The following EML6 variants were observed in gnomAD, a reference collection of about 807,000 sequenced individuals.
The protein encoded by EML6 is EMAP like 6.
A neutral mutation model predicts 240.1 loss-of-function variants in EML6; 154 were observed. That is an observed-to-expected ratio of 0.64 (90% CI 0.56 to 0.73). The LOEUF is 0.73. Ranked by LOEUF, EML6 falls within the 30% of genes least tolerant of loss-of-function variation. The pLI is 0.00. For missense variants in EML6, 2,964 were observed against 2,474.6 expected, an observed-to-expected ratio of 1.20 and a Z score of -4.20; for synonymous variants, 1,148 against 899.0, an observed-to-expected ratio of 1.28 and a Z score of -4.95.
Position 54,892,437 on chromosome 2 carries a change from T to C in EML6, c.2540-17T>C, listed in dbSNP as rs1672520684. The C allele has an allele frequency of 6.5e-7, 1 of 1,535,824 alleles. No homozygotes were observed. Among genetic ancestry groups the C allele is most frequent in the South Asian group, 1.2e-5 (1 of 83,718 alleles). Reference sequence around the variant, plus strand: ...GCCAGATTTTATAAAGTAATAACTGTTCTTGGTCCACTCTAGGTGGGGGCT... The same window carrying C: ...GCCAGATTTTATAAAGTAATAACTGCTCTTGGTCCACTCTAGGTGGGGGCT... On this transcript the variant is annotated splice_polypyrimidine_tract_variant and intron_variant, in intron 18 of 41. Coordinates refer to ENST00000356458, the MANE Select transcript of EML6 (RefSeq NM_001039753.4).
chr2:54,968,207 G>T lies in EML6; in HGVS notation c.5677G>T (p.Ala1893Ser), dbSNP rs769240221. ...ADVNCACVTH[A>S]GLNIVTGDDF... Reference sequence around the variant, plus strand: ...TGTCAACTGCGCATGTGTGACCCACGCTGGCCTGAACATTGTCACAGGAGA... The same window carrying T: ...TGTCAACTGCGCATGTGTGACCCACTCTGGCCTGAACATTGTCACAGGAGA... Residue 1893 changes from alanine to serine, a missense_variant, in exon 40 of 42, where the codon GCT becomes TCT. Transcript: ENST00000356458. The T allele has an allele frequency of 1.9e-6, 3 of 1,551,742 alleles. No homozygotes were observed. Among genetic ancestry groups the T allele is most frequent in the African/African-American group, 2.7e-5 (2 of 73,182 alleles).
intron 11 of EML6, among the ~76,000 whole-genome samples, chr2:54,858,176 G>A (rs1207605802): frequency 6.6e-6 from 1 of 152,166 alleles, no homozygotes; most frequent in Non-Finnish European, 1.5e-5. Flanking sequence ...TTGGCAGGAG[G>A]CCTCAGTTCC....
intron 12 of EML6, among the ~76,000 whole-genome samples, chr2:54,861,169 C>G (rs773248073): frequency 4.6e-5 from 7 of 152,156 alleles, no homozygotes; most frequent in Non-Finnish European, 7.4e-5. Context: ...AGCCAGAGCT[C>G]AGCACTTCAT....
At chr2:54,875,788 C>T (rs930571792) in intron 16 of EML6, among the ~76,000 whole-genome samples, 4 of 152,038 alleles carry the variant, frequency 2.6e-5, no homozygotes, top group African/African-American at 9.7e-5. Context: ...TTGTGCTTGC[C>T]GTGAGGAAAG....
In EML6 at chr2:54,951,697, C is replaced by T. The variant is rs530000606; in HGVS notation, c.4214-897C>T. Among the ~76,000 whole-genome samples the T allele has an allele frequency of 9.6e-5, 7 of 72,656 alleles. No homozygotes were observed. In the East Asian group the frequency reaches 4.1e-3, roughly 42 times the overall value. 47.7% of individuals were successfully genotyped at this position (72,656 alleles called of 152,430 possible). A position where few individuals can be genotyped will look rare whatever the true frequency, so the allele number is the denominator to read the frequency against. ...CACATTTTGCCTTATTTGCTCATGC[C>T]TCAAGAAAAAAAAAAAAACACCTTT... On this transcript the variant is annotated intron_variant, in intron 30 of 41. Coordinates refer to ENST00000356458, the MANE Select transcript of EML6 (RefSeq NM_001039753.4).
chr2:54,935,797 A>G (rs993918164), intron 28 of EML6, among the ~76,000 whole-genome samples: 4 of 152,188 alleles, frequency 2.6e-5, no homozygotes, highest in Non-Finnish European at 5.9e-5. Context: ...GATAACTTGA[A>G]TCCAGGAGGT....
chr2:54,854,287 T>C (rs1670253272), intron 11 of EML6, among the ~76,000 whole-genome samples: 2 of 152,244 alleles, frequency 1.3e-5, no homozygotes, highest in African/African-American at 2.4e-5. Context: ...GATAATAGTT[T>C]ATGGACCTCT....
At chr2:54,731,087 G>A (rs970065778) in intron 2 of EML6, among the ~76,000 whole-genome samples, 3 of 152,140 alleles carry the variant, frequency 2.0e-5, no homozygotes, top group Non-Finnish European at 4.4e-5. Context: ...AAACCTGAAG[G>A]GTGTGAAGGG....
chr2:54,781,732 C>T (rs574310313), intron 2 of EML6, among the ~76,000 whole-genome samples: 27 of 152,272 alleles, frequency 1.8e-4, no homozygotes, highest in Non-Finnish European at 3.5e-4. Flanking sequence ...TGCAGTGGTG[C>T]GATCACACCT....
chr2:54,731,417 A>T (rs999322016), intron 2 of EML6, among the ~76,000 whole-genome samples: 1 of 152,016 alleles, frequency 6.6e-6, no homozygotes, highest in Admixed American at 6.6e-5. Context: ...AGGTGGGAGG[A>T]TCGTTTGAGC....
chr2:54,890,994 A>G, intron 17 of EML6, 60 bp from the exon 18 acceptor site: 3 of 808,384 alleles, frequency 3.7e-6, no homozygotes, highest in Middle Eastern at 2.4e-4. Context: ...GCATGCTTTT[A>G]ATAAAACTGT....
intron 6 of EML6, 28 bp downstream of exon 6, chr2:54,827,779 G>A (rs1668667229): frequency 1.3e-6 from 2 of 1,508,118 alleles, no homozygotes; most frequent in Non-Finnish European, 1.8e-6. Context: ...GAAATCTGTG[G>A]GTGACCTACC....
chr2:54,865,345 C>T (rs1670916677), intron 13 of EML6, among the ~76,000 whole-genome samples: 1 of 146,498 alleles, frequency 6.8e-6, no homozygotes, highest in African/African-American at 2.5e-5. Context: ...AACTGCTGGG[C>T]ATTTGCCTGT....
Position 54,847,502 on chromosome 2 carries a change from G to C in EML6, c.1066G>C (p.Asp356His). 1.3e-6 allele frequency: 2 copies of C among 1,551,610 alleles called. No homozygotes were observed. Among genetic ancestry groups the C allele is most frequent in the Non-Finnish European group, 1.7e-6 (2 of 1,147,034 alleles). Residue 356 changes from aspartate to histidine, a missense_variant, in exon 9 of 42, where the codon GAT becomes CAT. By Grantham distance (81) the Asp-to-His change is moderately conservative. Coordinates refer to ENST00000356458, the MANE Select transcript of EML6 (RefSeq NM_001039753.4). ...TGTGCCTAGGCTGTGGAGCCTGGCT[G>C]ATCATGCCTTGATCGCCCGCTGTAA... ...DRSVRLWSLA[D>H]HALIARCNME...
At chr2:54,966,363 C>T (rs1228355242) in intron 38 of EML6, among the ~76,000 whole-genome samples, 1 of 152,202 alleles carries the variant, frequency 6.6e-6, no homozygotes, top group Non-Finnish European at 1.5e-5. Flanking sequence ...GCTCAGCTTC[C>T]CAGCTCATTC....
chr2:54,916,627 G>A (rs1172114720), intron 25 of EML6, 132 bp from the exon 26 acceptor site: 1 of 578,624 alleles, frequency 1.7e-6, no homozygotes, highest in Non-Finnish European at 2.8e-6. Flanking sequence ...CTTAGAATTT[G>A]TGTACCTCAG....
chr2:54,757,878 G>T (rs1459734019), intron 2 of EML6, among the ~76,000 whole-genome samples: 6 of 146,872 alleles, frequency 4.1e-5, no homozygotes, highest in African/African-American at 1.5e-4. Context: ...TTGCTTTCCA[G>T]CTCCTTTTTT....
In EML6 at chr2:54,850,052, A is replaced by T; in HGVS notation, c.1278A>T (p.Gly426=). 6.4e-7 allele frequency: 1 copy of T among 1,552,064 alleles called. No homozygotes were observed. The highest frequency in any genetic ancestry group is 8.7e-7 in the Non-Finnish European group (1 of 1,147,054). The stretch of plus-strand genomic sequence containing the variant: ...CAGATGGTTCTTACCTTGCAGTGGG[A>T]TCCAATGATGGCCCAGTAGATGTCT... ...FSPDGSYLAV[G]SNDGPVDVYA... is the part of the protein sequence containing the mutation. The change falls in exon 10 of 42, where the codon GGA becomes GGT. Residue 426 remains glycine (G), a synonymous_variant. Transcript: ENST00000356458.
At chr2:54,884,199 G>A (rs568681413) in intron 17 of EML6, among the ~76,000 whole-genome samples, 1 of 151,612 alleles carries the variant, frequency 6.6e-6, no homozygotes, top group Non-Finnish European at 1.5e-5. Context: ...CAGAGAACTC[G>A]GACATACTTA....
Sources: gnomAD v4.1 joint callset for allele counts (sites outside exome capture counted in the v4.1 genomes callset) on GRCh38, gnomAD v4.1.1 for gene constraint, MANE v1.5 for transcripts, NCBI Gene and HGNC (gene_info 2026-07-23, HGNC 2026-07-21) for gene names.